EYA1: variants seen among roughly 807,000 people sequenced by gnomAD.
The protein encoded by EYA1 is protein phosphatase EYA1.
Under a neutral mutation model 82.0 loss-of-function variants are expected in EYA1, and 16 were observed. That is an observed-to-expected ratio of 0.20 (90% CI 0.13 to 0.30). EYA1 has a LOEUF of 0.30. Ranked by LOEUF, EYA1 falls within the 10% of genes least tolerant of loss-of-function variation. The probability of loss-of-function intolerance (pLI) is 1.00; values close to 1 mark genes in which losing one functional copy is unlikely to be tolerated. For synonymous variants in EYA1, 261 were observed against 264.4 expected, an observed-to-expected ratio of 0.99 and a Z score of 0.12; for missense variants, 633 against 730.7, an observed-to-expected ratio of 0.87 and a Z score of 1.54.
intron 2 of EYA1, among the ~76,000 whole-genome samples, chr8:71,475,928 C>T (rs557228427): frequency 2.6e-5 from 4 of 152,210 alleles, no homozygotes; most frequent in African/African-American, 4.8e-5. Flanking sequence ...ACTCCTTAAG[C>T]GTCCCAAGAG....
chr8:71,546,875 A>G (rs1321834616), intron 1 of EYA1, among the ~76,000 whole-genome samples: 1 of 152,136 alleles, frequency 6.6e-6, no homozygotes, highest in Non-Finnish European at 1.5e-5. Context: ...GGAATTTTTT[A>G]AAGAAGCCTT....
intron 2 of EYA1, among the ~76,000 whole-genome samples, chr8:71,453,346 G>A (rs960340188): frequency 5.3e-5 from 8 of 152,192 alleles, no homozygotes; most frequent in Non-Finnish European, 1.2e-4. Context: ...AAAACACTCT[G>A]CAGGATATTA....
At chr8:71,283,922 A>G (rs1818096584) in intron 9 of EYA1, among the ~76,000 whole-genome samples, 1 of 152,216 alleles carries the variant, frequency 6.6e-6, no homozygotes, top group Non-Finnish European at 1.5e-5. Flanking sequence ...ACAGATAAAA[A>G]GATTGAAGTT....
chr8:71,382,676 A>T (rs1041926808), intron 2 of EYA1, among the ~76,000 whole-genome samples: 6 of 152,116 alleles, frequency 3.9e-5, no homozygotes, highest in Admixed American at 3.9e-4. Flanking sequence ...AAATCATTGC[A>T]CAAAGAAAAC....
chr8:71,346,690 C>A (rs905815055), intron 3 of EYA1, among the ~76,000 whole-genome samples: 1 of 151,916 alleles, frequency 6.6e-6, no homozygotes, highest in Admixed American at 6.6e-5. Flanking sequence ...GCAAGTCAGT[C>A]ACTATAGATC....
chr8:71,362,707 T>C (rs1173939543), upstream of EYA1, among the ~76,000 whole-genome samples: 2 of 152,198 alleles, frequency 1.3e-5, no homozygotes, highest in African/African-American at 4.8e-5. Context: ...AACCAGATAA[T>C]GTTTCAGTGT....
chr8:71,331,103 C>A (rs191712165), intron 4 of EYA1, among the ~76,000 whole-genome samples: 1 of 151,944 alleles, frequency 6.6e-6, no homozygotes, highest in Non-Finnish European at 1.5e-5. Flanking sequence ...GTGGCACGTG[C>A]CTGTAGTCCC....
At chr8:71,442,333 G>T (rs1037974644) in intron 2 of EYA1, among the ~76,000 whole-genome samples, 1 of 152,130 alleles carries the variant, frequency 6.6e-6, no homozygotes, top group Non-Finnish European at 1.5e-5. Context: ...TTTGAATCTG[G>T]AGGCAAGTGA....
intron 7 of EYA1, among the ~76,000 whole-genome samples, chr8:71,308,004 A>C (rs1214441928): frequency 6.6e-6 from 1 of 152,216 alleles, no homozygotes; most frequent in Non-Finnish European, 1.5e-5. Context: ...CAATCTTTCC[A>C]CATCCATTTT....
chr8:71,517,585 T>C (rs1333006450), intron 2 of EYA1, among the ~76,000 whole-genome samples: 2 of 151,708 alleles, frequency 1.3e-5, no homozygotes, highest in Non-Finnish European at 2.9e-5. Flanking sequence ...TTTCTCATTA[T>C]TATATATAAA....
chr8:71,425,306 A>G (rs984030347), intron 2 of EYA1, among the ~76,000 whole-genome samples: 27 of 152,060 alleles, frequency 1.8e-4, no homozygotes, highest in African/African-American at 6.5e-4. Context: ...AAAAAAGAAA[A>G]TGCACACTTT....
chr8:71,344,352 TTAAAG>T (rs1825484598), intron 3 of EYA1, among the ~76,000 whole-genome samples: 1 of 152,216 alleles, frequency 6.6e-6, no homozygotes, highest in Non-Finnish European at 1.5e-5. Context: ...ACAGGCAATA[TTAAAG>T]TAGACTTTTA....
At chr8:71,332,488 C>T (rs1380214048) in intron 4 of EYA1, among the ~76,000 whole-genome samples, 3 of 152,184 alleles carry the variant, frequency 2.0e-5, no homozygotes, top group Admixed American at 6.5e-5. Context: ...ATAAATTCTA[C>T]TTCGTAAATG....
intron 14 of EYA1, among the ~76,000 whole-genome samples, chr8:71,216,206 T>C (rs1222774666): frequency 6.6e-6 from 1 of 152,196 alleles, no homozygotes; most frequent in African/African-American, 2.4e-5. Flanking sequence ...ACAGCATCAT[T>C]TCAGCATCTG....
chr8:71,273,625 G>A (rs954129451), intron 9 of EYA1, among the ~76,000 whole-genome samples: 2 of 152,146 alleles, frequency 1.3e-5, no homozygotes, highest in African/African-American at 2.4e-5. Context: ...TGCAATGTAC[G>A]TCTCCATGCA....
intron 2 of EYA1, among the ~76,000 whole-genome samples, chr8:71,491,702 C>T (rs1741171313): frequency 6.6e-6 from 1 of 152,172 alleles, no homozygotes; most frequent in Admixed American, 6.5e-5. Flanking sequence ...CAGTCTGTGG[C>T]AGTATTATGG....
At chr8:71,362,787 T>A (rs139782349), upstream of EYA1, among the ~76,000 whole-genome samples, 576 of 151,856 alleles carry the variant, frequency 3.8e-3, 4 homozygotes, top group African/African-American at 0.013. Flanking sequence ...CTTATTCTTT[T>A]AAAAAAAAAT....
intron 2 of EYA1, among the ~76,000 whole-genome samples, chr8:71,506,656 T>C (rs1055947346): frequency 1.3e-5 from 2 of 152,212 alleles, no homozygotes; most frequent in Non-Finnish European, 1.5e-5. Context: ...CAAATTTAAG[T>C]ATTTTGTGTA....
intron 7 of EYA1, among the ~76,000 whole-genome samples, chr8:71,315,505 C>G (rs1400434185): frequency 6.6e-6 from 1 of 152,192 alleles, no homozygotes; most frequent in Non-Finnish European, 1.5e-5. Flanking sequence ...GACCCTGGGA[C>G]CCCTCCAGCA....
Sources: allele counts gnomAD v4.1 joint callset (sites outside exome capture counted in the v4.1 genomes callset), GRCh38; gene constraint gnomAD v4.1.1; transcripts MANE v1.5; gene names NCBI Gene and HGNC (gene_info 2026-07-23, HGNC 2026-07-21).